The following GAS6 variants were observed in gnomAD, a reference collection of about 807,000 sequenced individuals.
GAS6 encodes growth arrest-specific protein 6.
A neutral mutation model predicts 75.8 loss-of-function variants in GAS6; 41 were observed. The observed-to-expected ratio is 0.54, with a 90% CI of 0.42 to 0.70. The LOEUF (loss-of-function observed/expected upper bound fraction) is 0.70. Among genes scored for constraint, GAS6 ranks in the 30% least tolerant of loss-of-function variants. The pLI is 0.00. For synonymous variants in GAS6, 432 were observed against 412.6 expected (o/e 1.05, Z -0.57); for missense variants, 854 against 940.2 (o/e 0.91, Z 1.20).
In GAS6 at chr13:113,827,023, C is replaced by T. The variant is rs749063721; in HGVS notation, c.1450G>A (p.Gly484Ser). The change falls in exon 12 of 15, where the codon GGC (glycine) becomes AGC (serine). Residue 484 changes from glycine (G) to serine (S), a missense_variant. Coordinates refer to ENST00000327773, the MANE Select transcript of GAS6 (RefSeq NM_000820.4). The part of the protein sequence containing the change: ...TERGSFYPGS[G>S]FAFYSLDYMR... Reference sequence around the variant, plus strand: ...TAGTCCAGGCTGTAGAAGGCGAAGCCGCTCCCGGGGTAGAAAGAGCCTCTC... The same window carrying T: ...TAGTCCAGGCTGTAGAAGGCGAAGCTGCTCCCGGGGTAGAAAGAGCCTCTC... 2.0e-5 allele frequency: 32 copies of T among 1,613,124 alleles called. No homozygotes were observed. Among genetic ancestry groups the T allele is most frequent in the African/African-American group, 4.0e-5 (3 of 74,900 alleles).
In GAS6 at chr13:113,832,362, G is replaced by A. The variant is rs1224017025; in HGVS notation, c.1080C>T (p.Arg360=). The change falls in exon 10 of 15, where the codon CGC becomes CGT. Residue 360 remains arginine (R), a synonymous_variant. Coordinates refer to ENST00000327773, the MANE Select transcript of GAS6 (RefSeq NM_000820.4). ...LRAGRLELQL[R]YNGVGRVTSS... ...TGGTGACACGGCCGACACCGTTGTA[G>A]CGCAGCTGCAGCTCCAGCCGGCCGG... 1 of 1,608,698 alleles carries A rather than the reference G, an allele frequency of 6.2e-7. No homozygotes were observed. Among genetic ancestry groups the A allele is most frequent in the East Asian group, 2.2e-5 (1 of 44,874 alleles).
intron 2 of GAS6, among the ~76,000 whole-genome samples, chr13:113,851,807 C>A (rs1041117942): frequency 6.6e-6 from 1 of 152,240 alleles, no homozygotes; most frequent in Non-Finnish European, 1.5e-5. Flanking sequence ...TGCTCCCAGT[C>A]TGTTTCTTTT....
At chr13:113,842,247 T>G in intron 4 of GAS6, 4 of 192,552 alleles carry the variant, frequency 2.1e-5, no homozygotes, top group South Asian at 2.0e-4. Flanking sequence ...ACACCTCCGT[T>G]TGCTTGTTTT....
At chr13:113,856,275 G>C (rs1007772116) in intron 2 of GAS6, among the ~76,000 whole-genome samples, 12 of 152,208 alleles carry the variant, frequency 7.9e-5, no homozygotes, top group African/African-American at 2.9e-4. Context: ...GGAGCACACA[G>C]TGGGGCCGGG....
chr13:113,834,129 TCGGTGTGACAGGCACCAGTGTGACAGGC>T (rs1360065716), intron 8 of GAS6, among the ~76,000 whole-genome samples: 1 of 136,682 alleles, frequency 7.3e-6, no homozygotes, highest in African/African-American at 2.8e-5. Flanking sequence ...GTGTGACAGG[TCGGTGTGACAGGCACCAGTGTGACAGGC>T]CCCGGTGTGA....
At chr13:113,862,701 A>C (rs1258159683) in intron 2 of GAS6, among the ~76,000 whole-genome samples, 1 of 152,190 alleles carries the variant, frequency 6.6e-6, no homozygotes, top group Non-Finnish European at 1.5e-5. Context: ...ATGTAAGCGG[A>C]AACAGGCCTC....
At chr13:113,834,825 C>A (rs1024455955) in intron 7 of GAS6, 153 bp from the exon 8 acceptor site, 6 of 774,170 alleles carry the variant, frequency 7.8e-6, no homozygotes, top group Middle Eastern at 4.2e-4. Flanking sequence ...GCGTCCCCCC[C>A]CACTGGAAAG....
chr13:113,855,352 TACC>T (rs2051906036), intron 2 of GAS6, among the ~76,000 whole-genome samples: 1 of 152,176 alleles, frequency 6.6e-6, no homozygotes, highest in African/African-American at 2.4e-5. Context: ...CTCAATAAGC[TACC>T]GGCCTCTGTT....
intron 10 of GAS6, among the ~76,000 whole-genome samples, chr13:113,829,001 T>C (rs1423175090): frequency 2.9e-4 from 21 of 72,372 alleles, no homozygotes; most frequent in African/African-American, 1.6e-3. Context: ...AGGGTCCCGA[T>C]CTCAGGGAGA....
chr13:113,842,023 T>C (rs1266626165), intron 4 of GAS6: 1 of 126,504 alleles, frequency 7.9e-6, no homozygotes, highest in African/African-American at 3.0e-5. Context: ...GTTTCCTCCA[T>C]ACGCCCCAGT....
intron 2 of GAS6, among the ~76,000 whole-genome samples, chr13:113,858,361 A>G (rs2051931383): frequency 6.6e-6 from 1 of 151,888 alleles, no homozygotes; most frequent in South Asian, 2.1e-4. Flanking sequence ...GTCTATGTGA[A>G]TGTGTGCATG....
rs530228680 is a variant in GAS6 at position 113,863,927 on chromosome 13, C to T, written c.-7G>A. The stretch of plus-strand genomic sequence containing the variant: ...GCGAGAGCGAAGGGGCCATGGCGGG[C>T]CGGGGACGCGCGGTCAGAGCGCCCG... On this transcript the variant is annotated 5_prime_UTR_variant, in exon 1 of 15. Coordinates refer to ENST00000327773, the MANE Select transcript of GAS6 (RefSeq NM_000820.4). The surrounding 1 kb of genome is among the most constrained non-coding windows in gnomAD (Gnocchi z 9.4). The T allele has an allele frequency of 3.1e-4, 351 of 1,139,750 alleles. 2 individuals carry two copies. In the East Asian group the frequency reaches 0.011, roughly 36 times the overall value. The allele number at this position is 1,139,750 out of a possible 1,614,324, so 70.6% of individuals were successfully genotyped here.
At chr13:113,850,572 G>C (rs1173807013) in intron 2 of GAS6, among the ~76,000 whole-genome samples, 1 of 152,174 alleles carries the variant, frequency 6.6e-6, no homozygotes, top group East Asian at 1.9e-4. Flanking sequence ...CAAACCCCAA[G>C]CCACTGCACT....
chr13:113,831,388 C>T (rs1435208194), intron 10 of GAS6, among the ~76,000 whole-genome samples: 2 of 152,284 alleles, frequency 1.3e-5, no homozygotes, highest in South Asian at 2.1e-4. Context: ...GGGCGGGCGG[C>T]GCCTGGCCTG....
intron 2 of GAS6, among the ~76,000 whole-genome samples, chr13:113,855,259 C>A (rs1286389563): frequency 1.3e-5 from 2 of 152,120 alleles, no homozygotes; most frequent in African/African-American, 2.4e-5. Flanking sequence ...GTCAATCCCC[C>A]CAAGAAGATG....
chr13:113,826,448 C>T (rs899099105), intron 12 of GAS6, among the ~76,000 whole-genome samples: 2 of 136,228 alleles, frequency 1.5e-5, no homozygotes, highest in Non-Finnish European at 3.2e-5. Flanking sequence ...CTTCTCTCCC[C>T]AGCCTCCCGG....
chr13:113,851,331 GTGGGTGGA>G (rs1456814668), intron 2 of GAS6, among the ~76,000 whole-genome samples: 1 of 150,756 alleles, frequency 6.6e-6, no homozygotes, highest in Non-Finnish European at 1.5e-5. Context: ...GAATGAATGA[GTGGGTGGA>G]TGGGTGAGTG....
chr13:113,855,631 G>A (rs58556607), intron 2 of GAS6, among the ~76,000 whole-genome samples: 11,070 of 152,182 alleles, frequency 0.073, 500 homozygotes, highest in East Asian at 0.17. Flanking sequence ...TTGGGACGCC[G>A]GTGTGCCACT....
rs1375587253 is a variant in GAS6, at chr13:113,863,697, TG to T, written c.132del (p.Arg45GlyfsTer49). 6.6e-7 allele frequency: 1 copy of T among 1,514,214 alleles called. No individual in the cohort carries two copies. The highest frequency in any genetic ancestry group is 8.8e-7 in the Non-Finnish European group (1 of 1,133,034). 93.8% of individuals were successfully genotyped at this position (1,514,214 alleles called of 1,614,324 possible). ...AAGACCTGAAAGGCGCGGCGCTGCC[TG>T]GGCCGCAGGAACTGCGTGGCCTCGC... Reference protein sequence around the residue: ...PAREATQFLRPRQRRAFQVFE... With the variant: ...PAREATQFLRXRQRRAFQVFE... On this transcript the variant is annotated frameshift_variant, in exon 2 of 15. Transcript: ENST00000327773. LOFTEE classifies it high-confidence loss of function. This position sits in a 1 kb window ranked among gnomAD's most constrained non-coding sequence, Gnocchi z 9.4.
Sources: allele counts gnomAD v4.1 joint callset (sites outside exome capture counted in the v4.1 genomes callset), GRCh38; gene constraint gnomAD v4.1.1; non-coding constraint Gnocchi (gnomAD v3.1); transcripts MANE v1.5; gene names NCBI Gene and HGNC (gene_info 2026-07-23, HGNC 2026-07-21).